Variants in ARHGAP8 observed in about 807,000 individuals in gnomAD.
The protein encoded by ARHGAP8 is Rho GTPase activating protein 8.
Under a neutral mutation model 46.1 loss-of-function variants are expected in ARHGAP8, and 62 were observed. That is an observed-to-expected ratio of 1.34 (90% confidence interval 1.10 to 1.66). ARHGAP8 has a LOEUF of 1.66. Among genes scored for constraint, ARHGAP8 ranks in the 40% most tolerant of loss-of-function variants. The pLI is 0.00. For synonymous variants in ARHGAP8, 375 were observed against 243.1 expected (o/e 1.54, Z -5.05); for missense variants, 923 against 568.4 (o/e 1.62, Z -6.34).
At chr22:44,831,165 T>G (rs936302139) in intron 7 of ARHGAP8, among the ~76,000 whole-genome samples, 1 of 152,242 alleles carries the variant, frequency 6.6e-6, no homozygotes, top group Non-Finnish European at 1.5e-5. Context: ...AGTTACATTT[T>G]GATGAAGTCC....
intron 7 of ARHGAP8, among the ~76,000 whole-genome samples, chr22:44,833,242 A>G (rs1277097687): frequency 6.6e-6 from 1 of 151,812 alleles, no homozygotes; most frequent in Non-Finnish European, 1.5e-5. Context: ...TACTATAGGT[A>G]TATACTACCA....
intron 11 of ARHGAP8, among the ~76,000 whole-genome samples, chr22:44,860,716 CT>C (rs2070435512): frequency 6.6e-6 from 1 of 152,024 alleles, no homozygotes; most frequent in Non-Finnish European, 1.5e-5. Context: ...TGCTCTCCCC[CT>C]GGGGCAGGGA....
chr22:44,819,368 T>C (rs1929968263), intron 5 of ARHGAP8, among the ~76,000 whole-genome samples: 1 of 152,142 alleles, frequency 6.6e-6, no homozygotes, highest in South Asian at 2.1e-4. Flanking sequence ...CACCTGGCCC[T>C]GATTTAAAAT....
At chr22:44,756,740 A>G (rs1447311440) in intron 1 of ARHGAP8, among the ~76,000 whole-genome samples, 4 of 151,696 alleles carry the variant, frequency 2.6e-5, no homozygotes, top group African/African-American at 9.7e-5. Flanking sequence ...CTAAAAAATT[A>G]TTTTTTCCTC....
chr22:44,861,662 G>A (rs188155221), intron 11 of ARHGAP8, among the ~76,000 whole-genome samples: 36 of 152,274 alleles, frequency 2.4e-4, no homozygotes, highest in Non-Finnish European at 1.3e-4. Context: ...AACAGGCCCT[G>A]CCCTCACGTT....
At chr22:44,762,441 CA>C (rs55704104) in intron 1 of ARHGAP8, among the ~76,000 whole-genome samples, 1 of 150,044 alleles carries the variant, frequency 6.7e-6, no homozygotes, top group Non-Finnish European at 1.5e-5. Context: ...ATCTCTAAAA[CA>C]AAAAAAAATC....
intron 1 of ARHGAP8, among the ~76,000 whole-genome samples, chr22:44,775,453 C>CT (rs132478): frequency 4.7e-5 from 7 of 149,464 alleles, no homozygotes; most frequent in South Asian, 4.3e-4. Flanking sequence ...AATTCTTTCT[C>CT]TTTTTTTTTT....
chr22:44,860,784 G>A (rs1160169739), intron 11 of ARHGAP8, among the ~76,000 whole-genome samples: 3 of 152,110 alleles, frequency 2.0e-5, no homozygotes, highest in Non-Finnish European at 1.5e-5. Context: ...ACATCCACGT[G>A]GGTCCACCCC....
At chr22:44,758,642 C>T (rs903010811) in intron 1 of ARHGAP8, among the ~76,000 whole-genome samples, 8 of 150,456 alleles carry the variant, frequency 5.3e-5, no homozygotes, top group Non-Finnish European at 1.2e-4. Context: ...ATAGCGTGTG[C>T]AAAGGCCGTG....
rs201957969 is a variant in ARHGAP8 at position 44,848,983 on chromosome 22, T to C, written c.800T>C (p.Ile267Thr). 276 of 1,613,984 alleles carry C rather than the reference T, an allele frequency of 1.7e-4. No homozygotes were observed. The highest frequency in any genetic ancestry group is 2.3e-4 in the Non-Finnish European group (267 of 1,180,044). ...DYGDIHIPAV[I>T]LKTFLRELPQ... ...GGGGACATTCACATCCCTGCCGTGA[T>C]CCTGAAGACCTTCCTGCGAGAGCTG... Residue 267 changes from isoleucine to threonine, a missense_variant, in exon 10 of 12, where the codon ATC (isoleucine) becomes ACC (threonine). Physicochemically the swap from Ile to Thr is moderately conservative, Grantham distance 89. Coordinates refer to ENST00000356099, the MANE Select transcript of ARHGAP8 (RefSeq NM_181335.3).
chr22:44,767,504 C>T (rs1461442094), intron 1 of ARHGAP8, among the ~76,000 whole-genome samples: 1 of 152,140 alleles, frequency 6.6e-6, no homozygotes, highest in Non-Finnish European at 1.5e-5. Flanking sequence ...ATGTGATCGA[C>T]TATGCAGGCC....
chr22:44,856,185 G>A (rs2070217424), intron 10 of ARHGAP8, among the ~76,000 whole-genome samples: 1 of 149,498 alleles, frequency 6.7e-6, no homozygotes, highest in Non-Finnish European at 1.5e-5. Context: ...TCAATGTGAG[G>A]TTTACAGGCA....
chr22:44,815,041 C>T (rs929365259), intron 5 of ARHGAP8, among the ~76,000 whole-genome samples: 2 of 152,120 alleles, frequency 1.3e-5, no homozygotes, highest in Non-Finnish European at 2.9e-5. Context: ...CCTCAGGTGC[C>T]GTGATTTTCC....
intron 1 of ARHGAP8, among the ~76,000 whole-genome samples, chr22:44,757,220 C>T (rs531734083): frequency 2.0e-5 from 3 of 151,748 alleles, no homozygotes; most frequent in African/African-American, 7.3e-5. Context: ...CCGGCAGCAA[C>T]AAGTTCTTAA....
At chr22:44,787,148 G>C (rs1263028945) in intron 2 of ARHGAP8, among the ~76,000 whole-genome samples, 1 of 152,106 alleles carries the variant, frequency 6.6e-6, no homozygotes, top group African/African-American at 2.4e-5. Context: ...GCTCCGAGAA[G>C]CCAACGGGCA....
At chr22:44,862,237 G>A (rs771750655) in intron 11 of ARHGAP8, 38 bp from the exon 12 acceptor site, 6 of 1,551,808 alleles carry the variant, frequency 3.9e-6, no homozygotes, top group East Asian at 2.3e-5. Flanking sequence ...GTGCCCCTTG[G>A]TGTTCACTCC....
chr22:44,844,852 A>G (rs1419806270), intron 7 of ARHGAP8, among the ~76,000 whole-genome samples: 2 of 152,142 alleles, frequency 1.3e-5, no homozygotes, highest in Non-Finnish European at 2.9e-5. Context: ...AATTGAATCA[A>G]TATCCAGTCC....
At chr22:44,827,662 T>C (rs575974016) in intron 7 of ARHGAP8, among the ~76,000 whole-genome samples, 6 of 152,256 alleles carry the variant, frequency 3.9e-5, no homozygotes, top group Admixed American at 2.6e-4. Context: ...TGTTTTAAGC[T>C]ACCAAGTTGA....
At chr22:44,850,457 C>T (rs1437639335) in intron 10 of ARHGAP8, 1 of 152,212 alleles carries the variant, frequency 6.6e-6, no homozygotes, top group Admixed American at 6.5e-5. Flanking sequence ...AATGCTCCAT[C>T]ACCTGAATGC....
Sources: allele counts gnomAD v4.1 joint callset (sites outside exome capture counted in the v4.1 genomes callset), GRCh38; gene constraint gnomAD v4.1.1; transcripts MANE v1.5; gene names NCBI Gene and HGNC (gene_info 2026-07-23, HGNC 2026-07-21).